The following NRCAM variants were observed in gnomAD, a reference collection of about 807,000 sequenced individuals.
The protein encoded by NRCAM is neuronal cell adhesion molecule.
Under a neutral mutation model 156.5 loss-of-function variants are expected in NRCAM, and 83 were observed. The ratio of observed to expected loss-of-function variants is 0.53; its 90% CI spans 0.44 to 0.64. The LOEUF (loss-of-function observed/expected upper bound fraction) is 0.64. Among genes scored for constraint, NRCAM ranks in the 30% least tolerant of loss-of-function variants. NRCAM has a pLI of 0.00. For synonymous variants in NRCAM, 538 were observed against 563.9 expected, an observed-to-expected ratio of 0.95 and a Z score of 0.65; for missense variants, 1,417 against 1,597.3, an observed-to-expected ratio of 0.89 and a Z score of 1.92.
At chr7:108,186,123 A>T (rs921868913) in intron 20 of NRCAM, among the ~76,000 whole-genome samples, 21 of 152,224 alleles carry the variant, frequency 1.4e-4, no homozygotes, top group African/African-American at 3.9e-4. Flanking sequence ...AGGTACCATG[A>T]TATGCACTAT....
At chr7:108,433,955 T>C (rs746451112) in intron 1 of NRCAM, among the ~76,000 whole-genome samples, 2 of 152,234 alleles carry the variant, frequency 1.3e-5, no homozygotes, top group Non-Finnish European at 2.9e-5. Context: ...CACAGTGTTA[T>C]GAAGGGAACT....
rs2065443633 is a variant in NRCAM, at chr7:108,184,393, A to G, written c.2233+24T>C. 4.3e-6 allele frequency: 7 copies of G among 1,613,896 alleles called. No individual in the cohort carries two copies. In the South Asian group the frequency reaches 4.4e-5, roughly 10 times the overall value. ...ACTTTTTTATTATATTTCGTACCCT[A>G]GAAGTCCCGCTTTCCCGCTTTACCT... On this transcript the variant is annotated intron_variant, in intron 21 of 32. Coordinates refer to ENST00000379028, the MANE Select transcript of NRCAM (RefSeq NM_001037132.4).
chr7:108,438,643 T>C (rs930692366), intron 1 of NRCAM, among the ~76,000 whole-genome samples: 3 of 152,178 alleles, frequency 2.0e-5, no homozygotes, highest in African/African-American at 2.4e-5. Context: ...TTGGAGCTTC[T>C]AGTTAGTACA....
intron 1 of NRCAM, among the ~76,000 whole-genome samples, chr7:108,403,259 T>C (rs1258081616): frequency 1.3e-5 from 2 of 152,200 alleles, no homozygotes; most frequent in South Asian, 2.1e-4. Flanking sequence ...CCTTCTTAGA[T>C]TGGGTCCATT....
At chr7:108,304,859 G>T (rs1396808259) in intron 3 of NRCAM, among the ~76,000 whole-genome samples, 2 of 152,230 alleles carry the variant, frequency 1.3e-5, no homozygotes, top group East Asian at 1.9e-4. Context: ...TCACTTACTG[G>T]ATCAAGGCAG....
chr7:108,394,103 A>T (rs1435734707), intron 2 of NRCAM, among the ~76,000 whole-genome samples: 1 of 152,220 alleles, frequency 6.6e-6, no homozygotes, highest in Non-Finnish European at 1.5e-5. Context: ...TGTGTTCCCA[A>T]GTCGACCACT....
In NRCAM at chr7:108,197,795, C is replaced by T. The variant is rs567445357; in HGVS notation, c.1351+161G>A. Among the ~76,000 whole-genome samples the T allele has an allele frequency of 2.2e-3, 331 of 152,266 alleles. 1 individual carries two copies. The highest frequency in any genetic ancestry group is 7.7e-3 in the African/African-American group (319 of 41,578). Reference sequence around the variant, plus strand: ...GTGTTATGGAAGAACATTAAGACTGCCATATTCTTTGGGGCAAGGTTTATA... The same window carrying T: ...GTGTTATGGAAGAACATTAAGACTGTCATATTCTTTGGGGCAAGGTTTATA... On this transcript the variant is annotated intron_variant, in intron 14 of 32. Transcript: ENST00000379028.
At chr7:108,166,891 G>A (rs369828161) in intron 30 of NRCAM, 30 bp downstream of exon 30, 2 of 1,608,926 alleles carry the variant, frequency 1.2e-6, no homozygotes, top group Non-Finnish European at 1.7e-6. Flanking sequence ...CTCTGAGCGG[G>A]AGCCAGAACA....
chr7:108,308,536 T>C (rs2098752473), intron 3 of NRCAM, among the ~76,000 whole-genome samples: 1 of 152,174 alleles, frequency 6.6e-6, no homozygotes, highest in Non-Finnish European at 1.5e-5. Flanking sequence ...TAGGCTACAA[T>C]GGGAGGAGAG....
At chr7:108,451,691 A>G (rs1195798460) in intron 1 of NRCAM, among the ~76,000 whole-genome samples, 4 of 152,246 alleles carry the variant, frequency 2.6e-5, no homozygotes, top group Non-Finnish European at 5.9e-5. Flanking sequence ...TAAACCAGTT[A>G]CAGAAAGACA....
rs1187084927 is a variant in NRCAM, at chr7:108,360,718, G to A, written c.-174+38718C>T. ...TTTATGGTCAACTGATTGTTGATAA[G>A]GGTGTCAGGACAATTCAATGAAGAA... On this transcript the variant is annotated intron_variant, in intron 2 of 32. Coordinates refer to ENST00000379028, the MANE Select transcript of NRCAM (RefSeq NM_001037132.4). Among the ~76,000 whole-genome samples, 25 of 152,142 alleles carry A rather than the reference G, an allele frequency of 1.6e-4. 1 individual carries two copies. The highest frequency in any genetic ancestry group is 2.9e-5 in the Non-Finnish European group (2 of 68,022).
chr7:108,384,561 T>C lies in NRCAM; in HGVS notation c.-174+14875A>G, dbSNP rs189941702. ...GGCAGAGGAGATTTGAAGGCAGTGA[T>C]AAGAGTAAAAATAAAAACCCTTTTC... On this transcript the variant is annotated intron_variant, in intron 2 of 32. Coordinates refer to ENST00000379028, the MANE Select transcript of NRCAM (RefSeq NM_001037132.4). Among the ~76,000 whole-genome samples the C allele has an allele frequency of 3.6e-3, 555 of 152,314 alleles. 6 individuals are homozygous for C. The highest frequency in any genetic ancestry group is 0.016 in the Admixed American group (240 of 15,282).
intron 3 of NRCAM, among the ~76,000 whole-genome samples, chr7:108,306,596 T>C (rs2098718402): frequency 6.6e-6 from 1 of 152,170 alleles, no homozygotes; most frequent in African/African-American, 2.4e-5. Context: ...TGTCTCAAAT[T>C]ACAAGTTACA....
intron 1 of NRCAM, among the ~76,000 whole-genome samples, chr7:108,449,209 T>C (rs572936883): frequency 1.5e-3 from 235 of 152,362 alleles, no homozygotes; most frequent in Non-Finnish European, 1.7e-3. Flanking sequence ...TCCAGCTCTA[T>C]GTAGGTTGTT....
chr7:108,428,179 C>G (rs918426288), intron 1 of NRCAM, among the ~76,000 whole-genome samples: 1 of 152,076 alleles, frequency 6.6e-6, no homozygotes, highest in African/African-American at 2.4e-5. Context: ...CAACACCATG[C>G]TATTTATTAT....
intron 1 of NRCAM, among the ~76,000 whole-genome samples, chr7:108,424,831 TAATAG>T (rs1444459462): frequency 1.3e-5 from 2 of 152,172 alleles, no homozygotes; most frequent in African/African-American, 4.8e-5. Flanking sequence ...GTCCAATGTC[TAATAG>T]AATATATATG....
chr7:108,192,754 C>T lies in NRCAM; in HGVS notation c.1779-901G>A, dbSNP rs946067101. Reference sequence around the variant, plus strand: ...TTACTGCAGAAAATCATGTCATTTTCTTACATGTATAAACTCTCATAGGAG... The same window carrying T: ...TTACTGCAGAAAATCATGTCATTTTTTTACATGTATAAACTCTCATAGGAG... On this transcript the variant is annotated intron_variant, in intron 17 of 32. Coordinates refer to ENST00000379028, the MANE Select transcript of NRCAM (RefSeq NM_001037132.4). 5.3e-5 allele frequency among the ~76,000 whole-genome samples: 8 copies of T among 152,106 alleles called. 1 individual carries two copies. The East Asian group carries it at 1.5e-3, about 29-fold the overall frequency.
chr7:108,282,729 G>GAAAA (rs1244646991), intron 3 of NRCAM, among the ~76,000 whole-genome samples: 1 of 152,128 alleles, frequency 6.6e-6, no homozygotes, highest in African/African-American at 2.4e-5. Flanking sequence ...GAGAAAAAGA[G>GAAAA]AGAATACATG....
At chr7:108,163,733 G>A (rs2050993612) in intron 30 of NRCAM, among the ~76,000 whole-genome samples, 2 of 151,618 alleles carry the variant, frequency 1.3e-5, no homozygotes, top group South Asian at 4.2e-4. Flanking sequence ...GAGGTCAAAC[G>A]GGGGCAGGGA....
Sources: gnomAD v4.1 joint callset for allele counts (sites outside exome capture counted in the v4.1 genomes callset) on GRCh38, gnomAD v4.1.1 for gene constraint, MANE v1.5 for transcripts, NCBI Gene and HGNC (gene_info 2026-07-23, HGNC 2026-07-21) for gene names.